GABRB1: variants seen among roughly 807,000 people sequenced by gnomAD.
GABRB1 encodes the protein gamma-aminobutyric acid receptor subunit beta-1.
In GABRB1, 17 loss-of-function variants were observed where a neutral mutation model predicts 51.6. The observed-to-expected ratio is 0.33, with a 90% confidence interval of 0.23 to 0.49. The LOEUF (loss-of-function observed/expected upper bound fraction) is 0.49. Among genes scored for constraint, GABRB1 ranks in the 20% least tolerant of loss-of-function variants. The probability of loss-of-function intolerance (pLI) is 0.99; values close to 1 mark genes in which losing one functional copy is unlikely to be tolerated. For synonymous variants in GABRB1, 247 were observed against 218.9 expected (o/e 1.13, Z -1.14); for missense variants, 410 against 600.6 (o/e 0.68, Z 3.32).
At position 47,371,653 on chromosome 4, in the gene GABRB1, CGTT is replaced by C. The variant is rs148121703; in HGVS notation, c.545-31662_545-31660del. 3.6e-3 allele frequency among the ~76,000 whole-genome samples: 548 copies of C among 152,230 alleles called. 18 individuals carry two copies. The East Asian group carries it at 0.089, about 25-fold the overall frequency. On this transcript the variant is annotated intron_variant, in intron 5 of 8. Transcript: ENST00000295454. Reference sequence around the variant, plus strand: ...TTCTGACTAGTGTAAGATGGTATCTCGTTGTGGTTTTGATGGGCGTTTCTCTAA... The same window carrying C: ...TTCTGACTAGTGTAAGATGGTATCTCGTGGTTTTGATGGGCGTTTCTCTAA...
chr4:47,137,041 G>A (rs544299500), intron 3 of GABRB1, among the ~76,000 whole-genome samples: 1 of 152,214 alleles, frequency 6.6e-6, no homozygotes, highest in South Asian at 2.1e-4. Flanking sequence ...TGAAAATGCG[G>A]AAAGGGCGCC....
chr4:47,209,215 A>G (rs1720254805), intron 4 of GABRB1, among the ~76,000 whole-genome samples: 1 of 152,160 alleles, frequency 6.6e-6, no homozygotes, highest in Non-Finnish European at 1.5e-5. Flanking sequence ...AGCTACTCAA[A>G]CGTCACTTCA....
intron 4 of GABRB1, among the ~76,000 whole-genome samples, chr4:47,277,142 T>G (rs1015823352): frequency 1.3e-5 from 2 of 152,092 alleles, no homozygotes; most frequent in Non-Finnish European, 1.5e-5. Context: ...ACTTGAGACT[T>G]GTAACCAATA....
chr4:47,156,674 T>C (rs1717716626), intron 3 of GABRB1, among the ~76,000 whole-genome samples: 2 of 151,846 alleles, frequency 1.3e-5, no homozygotes, highest in South Asian at 4.2e-4. Context: ...AAAACATATA[T>C]ATGTTGTTTT....
chr4:47,335,692 C>A (rs982994575), intron 5 of GABRB1, among the ~76,000 whole-genome samples: 2 of 152,052 alleles, frequency 1.3e-5, no homozygotes, highest in Admixed American at 6.6e-5. Context: ...TCATGCATAA[C>A]AAACATTGAA....
chr4:47,335,401 T>C (rs1436474573), intron 5 of GABRB1, among the ~76,000 whole-genome samples: 1 of 152,142 alleles, frequency 6.6e-6, no homozygotes, highest in Non-Finnish European at 1.5e-5. Flanking sequence ...TGATTTTAGA[T>C]TGGAAATATT....
At chr4:47,320,311 G>A (rs962291214) in intron 5 of GABRB1, 102 bp downstream of exon 5, 8 of 770,982 alleles carry the variant, frequency 1.0e-5, no homozygotes, top group East Asian at 2.5e-5. Context: ...TTCTAGCTGC[G>A]CTTGCCTGAT....
intron 4 of GABRB1, among the ~76,000 whole-genome samples, chr4:47,223,249 T>C (rs1397979439): frequency 6.6e-6 from 1 of 152,134 alleles, no homozygotes; most frequent in Non-Finnish European, 1.5e-5. Context: ...GAATCGAAAG[T>C]ATATTATTTT....
intron 3 of GABRB1, among the ~76,000 whole-genome samples, chr4:47,075,283 T>C (rs934299049): frequency 5.9e-5 from 9 of 152,256 alleles, no homozygotes; most frequent in African/African-American, 2.2e-4. Context: ...TTTGCAAATA[T>C]TGTATAAATG....
At chr4:47,308,594 C>T (rs893296660) in intron 4 of GABRB1, among the ~76,000 whole-genome samples, 1 of 152,028 alleles carries the variant, frequency 6.6e-6, no homozygotes, top group Non-Finnish European at 1.5e-5. Context: ...GACTGATTAC[C>T]TTTCAGTAAA....
intron 5 of GABRB1, among the ~76,000 whole-genome samples, chr4:47,363,509 G>C (rs896618810): frequency 3.3e-5 from 5 of 152,092 alleles, no homozygotes; most frequent in Non-Finnish European, 5.9e-5. Flanking sequence ...GGGTTAAAAA[G>C]AGGGAGACAT....
intron 5 of GABRB1, among the ~76,000 whole-genome samples, chr4:47,325,270 A>C (rs1160408787): frequency 6.6e-6 from 1 of 152,170 alleles, no homozygotes; most frequent in Non-Finnish European, 1.5e-5. Context: ...CCCCGTTTCT[A>C]CTAAAGATAC....
intron 4 of GABRB1, among the ~76,000 whole-genome samples, chr4:47,164,103 C>G (rs563990255): frequency 1.3e-5 from 2 of 152,012 alleles, no homozygotes; most frequent in Admixed American, 1.3e-4. Flanking sequence ...CTCACTATCA[C>G]AAGAACATCA....
intron 4 of GABRB1, among the ~76,000 whole-genome samples, chr4:47,269,174 T>C (rs1390748396): frequency 6.6e-6 from 1 of 152,190 alleles, no homozygotes; most frequent in Non-Finnish European, 1.5e-5. Context: ...TACTTTTAGC[T>C]TGCAAGAAGA....
chr4:47,319,986 T>G (rs1478851916), intron 4 of GABRB1, 141 bp from the exon 5 acceptor site: 1 of 680,570 alleles, frequency 1.5e-6, no homozygotes, highest in East Asian at 2.7e-5. Flanking sequence ...GTATAATTAT[T>G]CATAATAGTT....
intron 4 of GABRB1, among the ~76,000 whole-genome samples, chr4:47,270,788 T>C (rs1010067249): frequency 2.6e-5 from 4 of 152,152 alleles, no homozygotes; most frequent in African/African-American, 9.7e-5. Context: ...ACCTTTGCTG[T>C]CCAAGGTAAC....
intron 5 of GABRB1, among the ~76,000 whole-genome samples, chr4:47,340,242 G>A (rs566827736): frequency 1.3e-5 from 2 of 152,146 alleles, no homozygotes; most frequent in South Asian, 2.1e-4. Flanking sequence ...CAAGGATCTC[G>A]GGGAAGCTCC....
intron 3 of GABRB1, among the ~76,000 whole-genome samples, chr4:47,068,165 A>G (rs780709251): frequency 6.6e-6 from 1 of 152,102 alleles, no homozygotes; most frequent in Non-Finnish European, 1.5e-5. Context: ...CACCTCTTTT[A>G]ACTTTGAAAG....
Position 47,168,283 on chromosome 4 carries a change from A to C in GABRB1, c.461+6814A>C, listed in dbSNP as rs566357668. 2.6e-5 allele frequency among the ~76,000 whole-genome samples: 4 copies of C among 152,278 alleles called. No homozygotes were observed. In the South Asian group the frequency reaches 8.3e-4, roughly 32 times the overall value. On this transcript the variant is annotated intron_variant, in intron 4 of 8. Coordinates refer to ENST00000295454, the MANE Select transcript of GABRB1 (RefSeq NM_000812.4). ...TAATACTAAAGATTCCAACACTGGG[A>C]GATCAAAAGTAAATTTTACTGTCTC...
Sources: gnomAD v4.1 joint callset for allele counts (sites outside exome capture counted in the v4.1 genomes callset) on GRCh38, gnomAD v4.1.1 for gene constraint, MANE v1.5 for transcripts, NCBI Gene and HGNC (gene_info 2026-07-23, HGNC 2026-07-21) for gene names.